CD163L1: variants seen among roughly 807,000 people sequenced by gnomAD.
CD163L1 encodes CD163 molecule like 1, also known as scavenger receptor cysteine-rich type 1 protein M160.
A neutral mutation model predicts 165.4 loss-of-function variants in CD163L1; 124 were observed. The observed-to-expected ratio is 0.75, with a 90% CI of 0.65 to 0.87. CD163L1 has a LOEUF of 0.87. Among genes scored for constraint, CD163L1 ranks in the 40% least tolerant of loss-of-function variants. CD163L1 has a pLI of 0.00. For missense variants in CD163L1, 1,525 were observed against 1,799.9 expected (o/e 0.85, Z 2.76); for synonymous variants, 585 against 662.2 (o/e 0.88, Z 1.79).
At chr12:7,322,589 C>T in the CD163L1 span, 6 of 1,553,826 alleles carry the variant, frequency 3.9e-6, no homozygotes, top group South Asian at 6.2e-5. Context: ...GGCCTTTCTG[C>T]CCCAGGTTTT....
downstream of CD163L1, among the ~76,000 whole-genome samples, chr12:7,342,629 G>A (rs894051939): frequency 6.6e-6 from 1 of 152,100 alleles, no homozygotes; most frequent in African/African-American, 2.4e-5. Context: ...TTCTATACAG[G>A]TTGCATTTTC....
chr12:7,421,453 GTACATATATACATATATA>G lies in CD163L1; in HGVS notation c.766+10945_766+10962del, dbSNP rs1565809920. 1.9e-5 allele frequency among the ~76,000 whole-genome samples: 2 copies of G among 106,266 alleles called. 1 individual carries two copies. Among genetic ancestry groups the G allele is most frequent in the African/African-American group, 8.0e-5 (2 of 24,846 alleles). 69.7% of individuals were successfully genotyped at this position (106,266 alleles called of 152,430 possible). A position where few individuals can be genotyped will look rare whatever the true frequency, so the allele number is the denominator to read the frequency against. Reference sequence around the variant, plus strand: ...TGTACATATATACATATACATATATGTACATATATACATATATATACATATATGTACATATATACATAT... The same window carrying G: ...TGTACATATATACATATACATATATGTACATATATGTACATATATACATAT... On this transcript the variant is annotated intron_variant, in intron 4 of 19. Transcript: ENST00000313599.
the CD163L1 span, chr12:7,324,344 C>A: frequency 6.2e-7 from 1 of 1,614,008 alleles, no homozygotes; most frequent in Non-Finnish European, 8.5e-7. Context: ...GAGTGATGGA[C>A]AGTGATGGGT....
intron 6 of CD163L1, among the ~76,000 whole-genome samples, chr12:7,399,327 CTTCT>C (rs1294090308): frequency 3.9e-5 from 5 of 129,488 alleles, no homozygotes; most frequent in Non-Finnish European, 3.4e-5. Flanking sequence ...TCTTCTCTCT[CTTCT>C]TTCATTCTCT....
chr12:7,373,921 A>G (rs924756149), intron 13 of CD163L1, among the ~76,000 whole-genome samples: 7 of 152,196 alleles, frequency 4.6e-5, no homozygotes, highest in Admixed American at 2.0e-4. Flanking sequence ...CATAAATTCA[A>G]TTCAGAAAAT....
Position 7,367,296 on chromosome 12 carries a change from A to G in CD163L1, c.4219T>C (p.Leu1407=), listed in dbSNP as rs1437246508. The stretch of plus-strand genomic sequence containing the variant: ...AGGCAGGTCTCCATCTCATGGAATA[A>G]ATTCTCCTCGAGAGAACCCCTCCTT... ...TRRRGSLEEN[L]FHEMETCLKR... is the part of the protein sequence containing the mutation. Residue 1407 remains leucine, a synonymous_variant, in exon 18 of 20, where the codon TTA becomes CTA. Coordinates refer to ENST00000313599, the MANE Select transcript of CD163L1 (RefSeq NM_174941.6). The G allele has an allele frequency of 6.2e-7, 1 of 1,613,306 alleles. No individual in the cohort carries two copies. Among genetic ancestry groups the G allele is most frequent in the Non-Finnish European group, 8.5e-7 (1 of 1,179,510 alleles).
the CD163L1 span, among the ~76,000 whole-genome samples, chr12:7,320,022 T>C: frequency 2.6e-5 from 4 of 152,206 alleles, no homozygotes; most frequent in African/African-American, 9.6e-5. Flanking sequence ...TCATACTTTA[T>C]CTGTGACAAT....
At chr12:7,363,358 T>C (rs985823405) in intron 18 of CD163L1, among the ~76,000 whole-genome samples, 1 of 151,384 alleles carries the variant, frequency 6.6e-6, no homozygotes, top group African/African-American at 2.4e-5. Context: ...AGGCTAATGG[T>C]GCACCTCAAG....
rs1376612338 is a variant in CD163L1, at chr12:7,421,416, TATATACATATATGTACATATATAC to T, written c.766+10976_766+10999del. ...TATGTATATATATCTTCCAAATGTA[TATATACATATATGTACATATATAC>T]ATATACATATATGTACATATATACA... On this transcript the variant is annotated intron_variant, in intron 4 of 19. Coordinates refer to ENST00000313599, the MANE Select transcript of CD163L1 (RefSeq NM_174941.6). Among the ~76,000 whole-genome samples the T allele has an allele frequency of 1.1e-3, 112 of 106,192 alleles. 15 individuals carry two copies. In the East Asian group the frequency reaches 0.026, roughly 25 times the overall value. 69.7% of individuals were successfully genotyped at this position (106,192 alleles called of 152,430 possible). A position where few individuals can be genotyped will look rare whatever the true frequency, so the allele number is the denominator to read the frequency against.
chr12:7,333,214 T>C, the CD163L1 span, among the ~76,000 whole-genome samples: 1 of 152,146 alleles, frequency 6.6e-6, no homozygotes, highest in African/African-American at 2.4e-5. Context: ...ACCACACCTG[T>C]TCCAAAATTG....
At chr12:7,327,122 T>G in the CD163L1 span, 3 of 1,571,410 alleles carry the variant, frequency 1.9e-6, no homozygotes, top group Non-Finnish European at 1.7e-6. Flanking sequence ...AAAGTTAAGT[T>G]TGGATGTTAC....
intron 2 of CD163L1, among the ~76,000 whole-genome samples, chr12:7,436,734 T>TA (rs1948719274): frequency 6.6e-6 from 1 of 152,064 alleles, no homozygotes; most frequent in Non-Finnish European, 1.5e-5. Context: ...AAATTTTATT[T>TA]AAACTACAAA....
chr12:7,351,017 A>T (rs1171230725), downstream of CD163L1, among the ~76,000 whole-genome samples: 7 of 152,140 alleles, frequency 4.6e-5, no homozygotes, highest in South Asian at 8.3e-4. Flanking sequence ...TGTTTCAATA[A>T]TATTATTTGT....
At chr12:7,338,163 C>T in the CD163L1 span, among the ~76,000 whole-genome samples, 1,151 of 151,836 alleles carry the variant, frequency 7.6e-3, 14 homozygotes, top group African/African-American at 0.026. Context: ...TGGGGCTTGT[C>T]GGAGGAAGAA....
intron 2 of CD163L1, among the ~76,000 whole-genome samples, chr12:7,440,354 T>TC (rs1408986716): frequency 2.6e-5 from 4 of 151,348 alleles, no homozygotes; most frequent in Non-Finnish European, 4.4e-5. Flanking sequence ...CCTGCCGCCA[T>TC]CCCCCCACCG....
chr12:7,332,588 G>A, the CD163L1 span, among the ~76,000 whole-genome samples: 2 of 152,236 alleles, frequency 1.3e-5, no homozygotes, highest in African/African-American at 4.8e-5. Context: ...TGATCTCTCA[G>A]CAGAAACTCT....
chr12:7,343,383 C>A (rs148169422), downstream of CD163L1, among the ~76,000 whole-genome samples: 682 of 152,190 alleles, frequency 4.5e-3, 5 homozygotes, highest in African/African-American at 0.016. Flanking sequence ...TACATTGCTA[C>A]AAAGAAATAC....
At chr12:7,323,218 CTTGTCCTCTCA>C in the CD163L1 span, 1 of 1,595,360 alleles carries the variant, frequency 6.3e-7, no homozygotes, top group Admixed American at 1.7e-5. Context: ...TTATACAAAG[CTTGTCCTCTCA>C]ATAGGGAATG....
intron 4 of CD163L1, among the ~76,000 whole-genome samples, chr12:7,415,881 A>C (rs920850051): frequency 5.9e-5 from 9 of 152,340 alleles, no homozygotes; most frequent in Admixed American, 5.2e-4. Context: ...TGCCACAATA[A>C]ACATGCAAGT....
Sources: gnomAD v4.1 joint callset for allele counts (sites outside exome capture counted in the v4.1 genomes callset) on GRCh38, gnomAD v4.1.1 for gene constraint, MANE v1.5 for transcripts, NCBI Gene and HGNC (gene_info 2026-07-23, HGNC 2026-07-21) for gene names.